The following MXI1 variants were observed in gnomAD, a reference collection of about 807,000 sequenced individuals.
MXI1 encodes the protein MAX interactor 1, dimerization protein, also known as max-interacting protein 1.
In MXI1, 18 loss-of-function variants were observed where a neutral mutation model predicts 36.9. The ratio of observed to expected loss-of-function variants is 0.49; its 90% CI spans 0.34 to 0.72. The LOEUF is 0.72. Ranked by LOEUF, MXI1 falls within the 30% of genes least tolerant of loss-of-function variation. The pLI, the probability that MXI1 is intolerant of heterozygous loss-of-function variation, is 0.01. For missense variants in MXI1, 304 were observed against 379.1 expected (o/e 0.80, Z 1.64); for synonymous variants, 160 against 146.7 (o/e 1.09, Z -0.65).
chr10:110,218,306 C>T (rs1468938183), intron 1 of MXI1, among the ~76,000 whole-genome samples: 3 of 151,954 alleles, frequency 2.0e-5, no homozygotes, highest in South Asian at 2.1e-4. Flanking sequence ...AAAAATTAGC[C>T]GGGCGTGGTG....
At chr10:110,258,929 T>TCC (rs34378439) in intron 3 of MXI1, among the ~76,000 whole-genome samples, 36,209 of 151,956 alleles carry the variant, frequency 0.24, 5,303 homozygotes, top group African/African-American at 0.42. Flanking sequence ...AGACAAAGAC[T>TCC]GAATTGTAGG....
At chr10:110,257,427 A>C (rs900670885) in intron 3 of MXI1, 4 of 151,014 alleles carry the variant, frequency 2.6e-5, no homozygotes, top group African/African-American at 9.7e-5. Context: ...TCCTACTTCA[A>C]CCTCCCAAGT....
chr10:110,285,052 C>A lies in MXI1; in HGVS notation c.*65C>A. The A allele has an allele frequency of 6.8e-7, 1 of 1,461,336 alleles. No individual in the cohort carries two copies. Among genetic ancestry groups the A allele is most frequent in the South Asian group, 1.4e-5 (1 of 71,488 alleles). 90.5% of individuals were successfully genotyped at this position (1,461,336 alleles called of 1,614,324 possible). A position where few individuals can be genotyped will look rare whatever the true frequency, so the allele number is the denominator to read the frequency against. ...TGGGCCAATTCAATACAAACAATCT[C>A]TTAAATTGGGTTCATGATGCAGTCT... On this transcript the variant is annotated 3_prime_UTR_variant, in exon 6 of 6. Transcript: ENST00000332674.
intron 2 of MXI1, among the ~76,000 whole-genome samples, chr10:110,231,912 G>A (rs1049408675): frequency 2.0e-5 from 3 of 151,584 alleles, no homozygotes; most frequent in African/African-American, 7.3e-5. Flanking sequence ...CCTAATCTCA[G>A]CTACCATCAT....
At chr10:110,245,966 AC>A (rs1855847893) in intron 3 of MXI1, 1 of 152,172 alleles carries the variant, frequency 6.6e-6, no homozygotes, top group Non-Finnish European at 1.5e-5. Context: ...GAAGAAGAAG[AC>A]AAATTTGGAA....
Position 110,248,518 on chromosome 10 carries a change from A to G in MXI1, c.437+3661A>G, listed in dbSNP as rs188150190. Among the ~76,000 whole-genome samples, 18 of 152,216 alleles carry G rather than the reference A, an allele frequency of 1.2e-4. No individual in the cohort carries two copies. The East Asian group carries it at 3.1e-3, about 26-fold the overall frequency. On this transcript the variant is annotated intron_variant, in intron 3 of 5. Transcript: ENST00000332674. ...TCTAGCTGTGGCATAGGTATAACACATGTGGTTTTATTACCTGGGCTGTGT... is the reference window on the plus strand; with the variant it reads ...TCTAGCTGTGGCATAGGTATAACACGTGTGGTTTTATTACCTGGGCTGTGT...
intron 1 of MXI1, chr10:110,227,673 T>G: frequency 2.0e-6 from 1 of 512,780 alleles, no homozygotes; most frequent in African/African-American, 2.1e-5. Flanking sequence ...GGTGATGAGA[T>G]GGGGTCCCTT....
chr10:110,219,045 A>T (rs1170760496), intron 1 of MXI1, among the ~76,000 whole-genome samples: 1 of 152,242 alleles, frequency 6.6e-6, no homozygotes, highest in Non-Finnish European at 1.5e-5. Flanking sequence ...CATGCCTGTA[A>T]TCCCAGCACT....
rs537553092 is a variant in MXI1, at chr10:110,255,088, G to C, written c.437+10231G>C. ...GATGCTTGGCTTCAAAGCTTCAAAG[G>C]CTGGGCTGTCTTAATAGGGGCTGAT... On this transcript the variant is annotated intron_variant, in intron 3 of 5. Coordinates refer to ENST00000332674, the MANE Select transcript of MXI1 (RefSeq NM_130439.3). 5.3e-5 allele frequency among the ~76,000 whole-genome samples: 8 copies of C among 152,294 alleles called. No homozygotes were observed. The East Asian group carries it at 1.5e-3, about 29-fold the overall frequency.
At chr10:110,233,710 T>C (rs1237384285) in intron 2 of MXI1, among the ~76,000 whole-genome samples, 10 of 152,074 alleles carry the variant, frequency 6.6e-5, no homozygotes. Context: ...TGATAGTCTG[T>C]CTTCTACCAA....
chr10:110,273,107 A>G (rs912280654), intron 3 of MXI1, among the ~76,000 whole-genome samples: 1 of 128,386 alleles, frequency 7.8e-6, no homozygotes, highest in South Asian at 2.5e-4. Flanking sequence ...GAGTGCAGTG[A>G]TGCGATCTCG....
intron 3 of MXI1, among the ~76,000 whole-genome samples, chr10:110,247,989 T>C (rs1381376256): frequency 1.3e-5 from 2 of 152,180 alleles, no homozygotes; most frequent in South Asian, 2.1e-4. Flanking sequence ...ATGTGGCACA[T>C]ATACACCATG....
chr10:110,269,824 C>T (rs1029964671), intron 3 of MXI1, among the ~76,000 whole-genome samples: 9 of 152,148 alleles, frequency 5.9e-5, no homozygotes, highest in Non-Finnish European at 1.2e-4. Flanking sequence ...GATTGCCTTC[C>T]CAGTCCCTGT....
rs1856166656 is a variant in MXI1, at chr10:110,253,303, GTTTTGA to G, written c.437+8447_437+8452del. ...TATCGTGTCCCCATTTTACATGGAT[GTTTTGA>G]GAGAGTGATGGTTTTGGTCTGCCTT... On this transcript the variant is annotated intron_variant, in intron 3 of 5. Transcript: ENST00000332674. 4.6e-5 allele frequency among the ~76,000 whole-genome samples: 7 copies of G among 151,968 alleles called. No homozygotes were observed. In the South Asian group the frequency reaches 1.5e-3, roughly 32 times the overall value.
At chr10:110,227,892 C>T (rs1590343163) in intron 1 of MXI1, 2 of 377,414 alleles carry the variant, frequency 5.3e-6, no homozygotes, top group East Asian at 9.3e-5. Context: ...GGTAACTGGT[C>T]ACAAAATTTT....
At chr10:110,241,630 A>G (rs982694741) in intron 2 of MXI1, among the ~76,000 whole-genome samples, 1 of 151,904 alleles carries the variant, frequency 6.6e-6, no homozygotes, top group African/African-American at 2.4e-5. Context: ...TCAGTCACCT[A>G]TCTTTTCTTT....
At chr10:110,232,321 C>T (rs1855303181) in intron 2 of MXI1, among the ~76,000 whole-genome samples, 1 of 152,130 alleles carries the variant, frequency 6.6e-6, no homozygotes. Flanking sequence ...TTTTCTTCTA[C>T]CTCAAGATCT....
At chr10:110,232,035 G>A (rs975487776) in intron 2 of MXI1, among the ~76,000 whole-genome samples, 10 of 151,516 alleles carry the variant, frequency 6.6e-5, no homozygotes, top group African/African-American at 1.5e-4. Flanking sequence ...ATCTCAGCTC[G>A]CTGCAAGCTC....
intron 3 of MXI1, among the ~76,000 whole-genome samples, chr10:110,263,051 C>T (rs1225022621): frequency 2.0e-5 from 3 of 152,096 alleles, no homozygotes; most frequent in African/African-American, 7.2e-5. Context: ...CTGTAACTTG[C>T]TTGTCTTTGT....
Sources: allele counts gnomAD v4.1 joint callset (sites outside exome capture counted in the v4.1 genomes callset), GRCh38; gene constraint gnomAD v4.1.1; transcripts MANE v1.5; gene names NCBI Gene and HGNC (gene_info 2026-07-23, HGNC 2026-07-21).